SFSWAP: variants seen among roughly 807,000 people sequenced by gnomAD.
The protein encoded by SFSWAP is splicing factor SWAP, also known as splicing factor, suppressor of white-apricot homolog.
In SFSWAP, 17 loss-of-function variants were observed where a neutral mutation model predicts 100.7. The observed-to-expected ratio is 0.17, with a 90% CI of 0.12 to 0.25. The LOEUF (loss-of-function observed/expected upper bound fraction) is 0.25. Ranked by LOEUF, SFSWAP falls within the 10% of genes least tolerant of loss-of-function variation. The probability of loss-of-function intolerance (pLI) is 1.00; values close to 1 mark genes in which losing one functional copy is unlikely to be tolerated. For synonymous variants in SFSWAP, 504 were observed against 510.1 expected, an observed-to-expected ratio of 0.99 and a Z score of 0.16; for missense variants, 1,005 against 1,262.6, an observed-to-expected ratio of 0.80 and a Z score of 3.09.
intron 13 of SFSWAP, among the ~76,000 whole-genome samples, chr12:131,776,567 G>C (rs1408790873): frequency 6.6e-6 from 1 of 152,208 alleles, no homozygotes; most frequent in Non-Finnish European, 1.5e-5. Flanking sequence ...CAGCCAGTTG[G>C]CCTTGCCACA....
chr12:131,784,048 A>T (rs974978251), intron 14 of SFSWAP: 8 of 151,970 alleles, frequency 5.3e-5, no homozygotes, highest in Non-Finnish European at 1.2e-4. Flanking sequence ...CTGCCCCTTA[A>T]AGGGGGAAAC....
At chr12:131,742,783 A>G (rs1880772122) in intron 7 of SFSWAP, among the ~76,000 whole-genome samples, 1 of 152,190 alleles carries the variant, frequency 6.6e-6, no homozygotes, top group South Asian at 2.1e-4. Flanking sequence ...GTGTTGTGAT[A>G]TGGATAGCCT....
At position 131,725,701 on chromosome 12, in the gene SFSWAP, T is replaced by A; in HGVS notation, c.832+71T>A. 2.6e-6 allele frequency: 3 copies of A among 1,134,950 alleles called. No individual in the cohort carries two copies. The highest frequency in any genetic ancestry group is 2.6e-6 in the Non-Finnish European group (2 of 768,102). The allele number at this position is 1,134,950 out of a possible 1,614,324, so 70.3% of individuals were successfully genotyped here. A position where few individuals can be genotyped will look rare whatever the true frequency, so the allele number is the denominator to read the frequency against. On this transcript the variant is annotated intron_variant, in intron 5 of 17. Coordinates refer to ENST00000261674, the MANE Select transcript of SFSWAP (RefSeq NM_004592.4). This position sits in a 1 kb window ranked among gnomAD's most constrained non-coding sequence, Gnocchi z 4.3. ...GTGGGGGCGGCAGGCTGGGTGGTTCTGGGAAAAGTGTGAAGATACACATTC... is the reference window on the plus strand; with the variant it reads ...GTGGGGGCGGCAGGCTGGGTGGTTCAGGGAAAAGTGTGAAGATACACATTC...
chr12:131,753,402 C>G, intron 8 of SFSWAP, 39 bp downstream of exon 8: 1 of 1,584,886 alleles, frequency 6.3e-7, no homozygotes, highest in Non-Finnish European at 8.6e-7. Flanking sequence ...GTGTGAGTCA[C>G]TCAGCACTGC....
intron 13 of SFSWAP, among the ~76,000 whole-genome samples, chr12:131,772,184 G>A (rs987822440): frequency 5.3e-5 from 8 of 152,164 alleles, no homozygotes; most frequent in Admixed American, 2.0e-4. Context: ...TCGATGCAAC[G>A]CATTCACTAA....
intron 7 of SFSWAP, among the ~76,000 whole-genome samples, chr12:131,750,748 T>C (rs1406603634): frequency 1.3e-5 from 2 of 152,210 alleles, no homozygotes; most frequent in Admixed American, 6.5e-5. Flanking sequence ...TGGAGCACAA[T>C]GGTGCCATCA....
At chr12:131,764,424 C>T (rs977225536) in intron 11 of SFSWAP, 32 bp from the exon 12 acceptor site, 1 of 1,568,394 alleles carries the variant, frequency 6.4e-7, no homozygotes. Context: ...CACTCTGTAA[C>T]ATGTATCATA....
In SFSWAP at chr12:131,733,957, C is replaced by T. The variant is rs772994417; in HGVS notation, c.1081+5529C>T. 4.6e-5 allele frequency among the ~76,000 whole-genome samples: 7 copies of T among 152,218 alleles called. No individual in the cohort carries two copies. The highest frequency in any genetic ancestry group is 1.7e-4 in the African/African-American group (7 of 41,456). On this transcript the variant is annotated intron_variant, in intron 7 of 17. Transcript: ENST00000261674. The surrounding 1 kb of genome is among the most constrained non-coding windows in gnomAD (Gnocchi z 5.1). ...AACACACACATGGGAGCCCTGAGCC[C>T]ACCCTGGGGCAGGGTGACACATGGG...
At chr12:131,716,316 CT>C (rs1877909772) in intron 3 of SFSWAP, among the ~76,000 whole-genome samples, 1 of 152,170 alleles carries the variant, frequency 6.6e-6, no homozygotes, top group East Asian at 1.9e-4. Context: ...GTATTTAAGA[CT>C]TTTTGCATTG....
In SFSWAP at chr12:131,711,601, T is replaced by C; in HGVS notation, c.218+154T>C. On this transcript the variant is annotated intron_variant, in intron 1 of 17. Transcript: ENST00000261674. The surrounding 1 kb of genome is among the most constrained non-coding windows in gnomAD (Gnocchi z 4.9). ...CCCTGTCCCCACCTCCTCCTGGTGTTCTGGTGGGGAGGGGGACGGTGAAAC... is the reference window on the plus strand; with the variant it reads ...CCCTGTCCCCACCTCCTCCTGGTGTCCTGGTGGGGAGGGGGACGGTGAAAC... 1.5e-6 allele frequency: 1 copy of C among 647,110 alleles called. No homozygotes were observed. Among genetic ancestry groups the C allele is most frequent in the Middle Eastern group, 2.9e-4 (1 of 3,410 alleles). The allele number at this position is 647,110 out of a possible 1,614,324, so 40.1% of individuals were successfully genotyped here. A position where few individuals can be genotyped will look rare whatever the true frequency, so the allele number is the denominator to read the frequency against.
Position 131,756,629 on chromosome 12 carries a change from G to A in SFSWAP, c.1705G>A (p.Gly569Arg), listed in dbSNP as rs1166421059. 9.4e-6 allele frequency: 15 copies of A among 1,596,270 alleles called. No homozygotes were observed. The highest frequency in any genetic ancestry group is 5.3e-5 in the Admixed American group (3 of 56,326). ...ATCGTCCAGTAAGACCGTCCCGGAC[G>A]GGAAGCTGGTGAAAGGTATGCTGCC... ...EASSSKTVPD[G>R]KLVKASFAPI... Residue 569 changes from glycine (G) to arginine (R), a missense_variant, in exon 11 of 18, where the codon GGG becomes AGG. Physicochemically the swap from Gly to Arg is moderately radical, Grantham distance 125. Around this residue, in one of 7 missense-constraint regions of SFSWAP, gnomAD observed 82 missense variants for 131.0 expected, o/e 0.63. Transcript: ENST00000261674.
intron 7 of SFSWAP, among the ~76,000 whole-genome samples, chr12:131,749,640 T>C (rs1359222361): frequency 6.6e-6 from 1 of 152,184 alleles, no homozygotes; most frequent in Non-Finnish European, 1.5e-5. Flanking sequence ...GTCAAGCAGC[T>C]TCATGGTCAC....
intron 15 of SFSWAP, among the ~76,000 whole-genome samples, chr12:131,788,658 T>C (rs548791883): frequency 6.6e-6 from 1 of 151,992 alleles, no homozygotes; most frequent in Non-Finnish European, 1.5e-5. Context: ...CCTGAGTTGC[T>C]GGGGCCACAG....
Position 131,755,379 on chromosome 12 carries a change from T to C in SFSWAP, c.1455-7T>C. ...AAATGACCCATTTTCTTTCTTTTTC[T>C]GCTCAGATTTGAGTTCCTGCAGCCG... On this transcript the variant is annotated splice_polypyrimidine_tract_variant and splice_region_variant and intron_variant, in intron 9 of 17. Coordinates refer to ENST00000261674, the MANE Select transcript of SFSWAP (RefSeq NM_004592.4). 3 of 1,609,614 alleles carry C rather than the reference T, an allele frequency of 1.9e-6. No individual in the cohort carries two copies. Among genetic ancestry groups the C allele is most frequent in the Non-Finnish European group, 2.6e-6 (3 of 1,176,230 alleles).
chr12:131,729,272 G>A (rs1295219516), intron 7 of SFSWAP, among the ~76,000 whole-genome samples: 1 of 152,168 alleles, frequency 6.6e-6, no homozygotes, highest in African/African-American at 2.4e-5. Context: ...GGGAGGCTGA[G>A]GTGGGAGGAT....
rs2136173391 is a variant in SFSWAP at position 131,714,691 on chromosome 12, C to A, written c.389-131C>A. The A allele has an allele frequency of 3.8e-6, 3 of 791,892 alleles. No individual in the cohort carries two copies. The highest frequency in any genetic ancestry group is 6.0e-6 in the Non-Finnish European group (3 of 503,428). 49.1% of individuals were successfully genotyped at this position (791,892 alleles called of 1,614,324 possible). A position where few individuals can be genotyped will look rare whatever the true frequency, so the allele number is the denominator to read the frequency against. ...AGATATAAAGTGTGAATTTTTAAAACTATTTTACCTCAAAAGTAGGTTGAA... is the reference window on the plus strand; with the variant it reads ...AGATATAAAGTGTGAATTTTTAAAAATATTTTACCTCAAAAGTAGGTTGAA... On this transcript the variant is annotated intron_variant, in intron 2 of 17. Coordinates refer to ENST00000261674, the MANE Select transcript of SFSWAP (RefSeq NM_004592.4). This position sits in a 1 kb window ranked among gnomAD's most constrained non-coding sequence, Gnocchi z 6.0.
chr12:131,722,567 CAT>C (rs1363478322), intron 4 of SFSWAP, among the ~76,000 whole-genome samples: 3 of 152,186 alleles, frequency 2.0e-5, no homozygotes, highest in African/African-American at 7.2e-5. Context: ...TGAATAATAA[CAT>C]AGAACCAGCC....
intron 7 of SFSWAP, among the ~76,000 whole-genome samples, chr12:131,747,613 C>T (rs1185492528): frequency 3.3e-5 from 5 of 152,210 alleles, no homozygotes; most frequent in African/African-American, 7.2e-5. Flanking sequence ...AGGCTGTACA[C>T]ATGGAGGGCA....
At chr12:131,712,777 G>A (rs942363874) in intron 1 of SFSWAP, 6 of 152,328 alleles carry the variant, frequency 3.9e-5, no homozygotes, top group Non-Finnish European at 5.9e-5. Flanking sequence ...TGTGTCGCCT[G>A]AGTTGTCAGG....
Sources: allele counts gnomAD v4.1 joint callset (sites outside exome capture counted in the v4.1 genomes callset), GRCh38; gene constraint gnomAD v4.1.1; regional missense constraint gnomAD v4.1.1; non-coding constraint Gnocchi (gnomAD v3.1); transcripts MANE v1.5; gene names NCBI Gene and HGNC (gene_info 2026-07-23, HGNC 2026-07-21).